CFAP20DC: variants seen among roughly 807,000 people sequenced by gnomAD.
CFAP20DC encodes the protein protein CFAP20DC.
A neutral mutation model predicts 101.7 loss-of-function variants in CFAP20DC; 84 were observed. That is an observed-to-expected ratio of 0.83 (90% CI 0.69 to 0.99). CFAP20DC has a LOEUF of 0.99. Ranked by LOEUF, CFAP20DC falls within the 50% of genes least tolerant of loss-of-function variation. CFAP20DC has a pLI of 0.00. For missense variants in CFAP20DC, 1,007 were observed against 970.3 expected (o/e 1.04, Z -0.50); for synonymous variants, 359 against 351.2 (o/e 1.02, Z -0.25).
intron 4 of CFAP20DC, among the ~76,000 whole-genome samples, chr3:58,948,877 T>C (rs1447054602): frequency 6.6e-6 from 1 of 152,194 alleles, no homozygotes; most frequent in Middle Eastern, 3.2e-3. Flanking sequence ...CCAGCTCCTC[T>C]TTGTACCTCT....
intron 4 of CFAP20DC, among the ~76,000 whole-genome samples, chr3:59,009,587 A>T (rs2093532245): frequency 6.6e-6 from 1 of 152,136 alleles, no homozygotes; most frequent in Non-Finnish European, 1.5e-5. Flanking sequence ...TAAACAGCCA[A>T]ACAGAAGAAC....
chr3:58,836,529 G>C (rs75917004), intron 13 of CFAP20DC, among the ~76,000 whole-genome samples: 1 of 152,032 alleles, frequency 6.6e-6, no homozygotes, highest in Non-Finnish European at 1.5e-5. Context: ...ATGAGACATG[G>C]CCATGGGATA....
chr3:59,030,715 C>A (rs2093974776), intron 4 of CFAP20DC, among the ~76,000 whole-genome samples: 1 of 152,206 alleles, frequency 6.6e-6, no homozygotes, highest in South Asian at 2.1e-4. Context: ...AGAAAGAAGT[C>A]ATCAGGTTGA....
At chr3:58,743,965 G>C (rs1357344385) in intron 16 of CFAP20DC, among the ~76,000 whole-genome samples, 1 of 152,198 alleles carries the variant, frequency 6.6e-6, no homozygotes, top group Admixed American at 6.5e-5. Flanking sequence ...TTCAGGACAT[G>C]ATGACAAGAA....
chr3:58,901,126 A>C (rs907084724), intron 6 of CFAP20DC, among the ~76,000 whole-genome samples: 1 of 152,230 alleles, frequency 6.6e-6, no homozygotes, highest in Non-Finnish European at 1.5e-5. Flanking sequence ...AGTGCCTAGC[A>C]CAGTGCTTTA....
chr3:58,768,467 G>T (rs1242918789), intron 15 of CFAP20DC, among the ~76,000 whole-genome samples: 1 of 152,172 alleles, frequency 6.6e-6, no homozygotes, highest in African/African-American at 2.4e-5. Flanking sequence ...GTTTCTCCAT[G>T]TGGCGATGTG....
At chr3:58,733,756 C>T (rs2067692539) in intron 3 of CFAP20DC, among the ~76,000 whole-genome samples, 1 of 152,142 alleles carries the variant, frequency 6.6e-6, no homozygotes, top group Non-Finnish European at 1.5e-5. Flanking sequence ...ACTACATGGC[C>T]CCAGGTGTTA....
chr3:58,870,325 A>G lies in CFAP20DC; in HGVS notation c.716-16T>C. 1 of 1,612,032 alleles carries G rather than the reference A, an allele frequency of 6.2e-7. No individual in the cohort carries two copies. The highest frequency in any genetic ancestry group is 8.5e-7 in the Non-Finnish European group (1 of 1,178,284). ...ATGAACTGATCTGTTTTGTTAAAGG[A>G]AGGTAATAATAGTCCATTAATGGGT... On this transcript the variant is annotated splice_polypyrimidine_tract_variant and intron_variant, in intron 7 of 16. Coordinates refer to ENST00000482387, the MANE Select transcript of CFAP20DC (RefSeq NM_001394063.1).
chr3:58,916,564 G>A (rs1292182528), intron 5 of CFAP20DC, among the ~76,000 whole-genome samples: 2 of 152,062 alleles, frequency 1.3e-5, no homozygotes, highest in East Asian at 1.9e-4. Flanking sequence ...TGTGGGCATT[G>A]AGTATATGTG....
intron 12 of CFAP20DC, among the ~76,000 whole-genome samples, chr3:58,856,265 G>GAC (rs536277954): frequency 0.14 from 17,344 of 123,856 alleles, 1,308 homozygotes; most frequent in South Asian, 0.2. Context: ...TTCATCTTCT[G>GAC]ACACACACAC....
At chr3:58,870,864 C>T (rs553688602) in intron 7 of CFAP20DC, among the ~76,000 whole-genome samples, 165 of 116,312 alleles carry the variant, frequency 1.4e-3, no homozygotes, top group Middle Eastern at 0.012. Context: ...GTCCGCAGTC[C>T]GGCCTGGGCG....
intron 4 of CFAP20DC, among the ~76,000 whole-genome samples, chr3:58,998,127 G>A (rs886588251): frequency 7.2e-5 from 11 of 152,112 alleles, no homozygotes; most frequent in East Asian, 1.9e-4. Context: ...AGCTGTCTAC[G>A]GGCAAGTCCT....
intron 14 of CFAP20DC, among the ~76,000 whole-genome samples, chr3:58,814,243 C>A (rs867441147): frequency 6.6e-6 from 1 of 151,924 alleles, no homozygotes; most frequent in Non-Finnish European, 1.5e-5. Context: ...AAATGACTTA[C>A]TCCATCCCTT....
At chr3:58,981,498 C>T (rs1386960938) in intron 4 of CFAP20DC, among the ~76,000 whole-genome samples, 1 of 152,106 alleles carries the variant, frequency 6.6e-6, no homozygotes, top group African/African-American at 2.4e-5. Flanking sequence ...GGTACTGGTA[C>T]CAAAACAGAG....
intron 4 of CFAP20DC, among the ~76,000 whole-genome samples, chr3:58,941,823 T>C (rs2088641593): frequency 6.6e-6 from 1 of 152,210 alleles, no homozygotes; most frequent in Non-Finnish European, 1.5e-5. Flanking sequence ...CCCAAAGTGC[T>C]GGGATTACAG....
At chr3:58,801,202 G>T (rs2073676102) in intron 15 of CFAP20DC, among the ~76,000 whole-genome samples, 1 of 152,292 alleles carries the variant, frequency 6.6e-6, no homozygotes, top group East Asian at 1.9e-4. Flanking sequence ...AAAAGAGCAG[G>T]TGTGAAATCT....
At chr3:58,800,938 C>G (rs894186299) in intron 15 of CFAP20DC, among the ~76,000 whole-genome samples, 1 of 150,554 alleles carries the variant, frequency 6.6e-6, no homozygotes, top group Non-Finnish European at 1.5e-5. Context: ...CAGGTGTATA[C>G]CTACTCACTT....
At position 58,861,442 on chromosome 3, in the gene CFAP20DC, A is replaced by G; in HGVS notation, c.1593+2116T>C. 1.1e-6 allele frequency: 1 copy of G among 877,774 alleles called. No homozygotes were observed. Among genetic ancestry groups the G allele is most frequent in the Non-Finnish European group, 1.4e-6 (1 of 731,964 alleles). 54.4% of individuals were successfully genotyped at this position (877,774 alleles called of 1,614,324 possible). A position where few individuals can be genotyped will look rare whatever the true frequency, so the allele number is the denominator to read the frequency against. Reference sequence around the variant, plus strand: ...ATTTTTCTTCAAAGACTATATGTAAATAAACATTGTAAATATGTAGCCTAA... The same window carrying G: ...ATTTTTCTTCAAAGACTATATGTAAGTAAACATTGTAAATATGTAGCCTAA... On this transcript the variant is annotated intron_variant, in intron 12 of 16. Transcript: ENST00000482387. The surrounding 1 kb of genome is among the most constrained non-coding windows in gnomAD (Gnocchi z 4.0).
rs75065911 is a variant in CFAP20DC at position 58,851,716 on chromosome 3, C to T, written c.1594-2307G>A. Among the ~76,000 whole-genome samples the T allele has an allele frequency of 1.2e-3, 187 of 151,922 alleles. 1 individual carries two copies. Among genetic ancestry groups the T allele is most frequent in the African/African-American group, 3.9e-3 (161 of 41,432 alleles). The stretch of plus-strand genomic sequence containing the variant: ...GAGGATCCTGGGAATATAACCACGT[C>T]GATGTACTCTTTTTTTATATTACTA... On this transcript the variant is annotated intron_variant, in intron 12 of 16. Coordinates refer to ENST00000482387, the MANE Select transcript of CFAP20DC (RefSeq NM_001394063.1).
Sources: allele counts gnomAD v4.1 joint callset (sites outside exome capture counted in the v4.1 genomes callset), GRCh38; gene constraint gnomAD v4.1.1; non-coding constraint Gnocchi (gnomAD v3.1); transcripts MANE v1.5; gene names NCBI Gene and HGNC (gene_info 2026-07-23, HGNC 2026-07-21).